EDIL3: variants seen among roughly 807,000 people sequenced by gnomAD.
The protein encoded by EDIL3 is EGF-like repeat and discoidin I-like domain-containing protein 3.
In EDIL3, 37 loss-of-function variants were observed where a neutral mutation model predicts 67.4. The ratio of observed to expected loss-of-function variants is 0.55; its 90% CI spans 0.42 to 0.72. The LOEUF is 0.72. EDIL3 is among the 30% of genes least tolerant of loss of function. The pLI is 0.00. For synonymous variants in EDIL3, 195 were observed against 196.3 expected (o/e 0.99, Z 0.05); for missense variants, 527 against 586.3 (o/e 0.90, Z 1.04).
intron 4 of EDIL3, among the ~76,000 whole-genome samples, chr5:84,154,471 C>T (rs527982233): frequency 6.6e-6 from 1 of 152,144 alleles, no homozygotes; most frequent in South Asian, 2.1e-4. Context: ...GGAGGCTGTT[C>T]TAGCATTACA....
At chr5:84,145,838 A>G (rs1175219517) in intron 4 of EDIL3, among the ~76,000 whole-genome samples, 1 of 151,794 alleles carries the variant, frequency 6.6e-6, no homozygotes, top group Non-Finnish European at 1.5e-5. Context: ...ACATTTATCT[A>G]GAAACCCTAC....
chr5:84,230,410 CT>C (rs869168484), intron 2 of EDIL3, among the ~76,000 whole-genome samples: 563 of 136,918 alleles, frequency 4.1e-3, no homozygotes, highest in Middle Eastern at 0.011. Flanking sequence ...TTGGACTTTT[CT>C]TTTTTTTTTT....
chr5:84,278,384 G>T (rs1457496455), intron 1 of EDIL3, among the ~76,000 whole-genome samples: 1 of 152,118 alleles, frequency 6.6e-6, no homozygotes, highest in Non-Finnish European at 1.5e-5. Context: ...AACCTGGCAT[G>T]AAGTAAGAGA....
At chr5:84,348,219 A>G (rs749722135) in intron 1 of EDIL3, among the ~76,000 whole-genome samples, 2 of 152,202 alleles carry the variant, frequency 1.3e-5, no homozygotes, top group Non-Finnish European at 2.9e-5. Context: ...AAGCTAGAGT[A>G]TTTATACAGC....
intron 9 of EDIL3, among the ~76,000 whole-genome samples, chr5:84,010,086 A>G (rs968510818): frequency 2.6e-5 from 4 of 152,210 alleles, no homozygotes; most frequent in Non-Finnish European, 5.9e-5. Context: ...AGATGCCAAC[A>G]TTCGTGCCTA....
intron 5 of EDIL3, among the ~76,000 whole-genome samples, chr5:84,133,882 C>G (rs866911634): frequency 2.6e-5 from 4 of 152,064 alleles, no homozygotes; most frequent in South Asian, 4.2e-4. Flanking sequence ...GAAGTCTAAA[C>G]TGAAATTATT....
chr5:84,350,280 T>C (rs1464743426), intron 1 of EDIL3, among the ~76,000 whole-genome samples: 4 of 152,112 alleles, frequency 2.6e-5, no homozygotes, highest in Admixed American at 1.3e-4. Flanking sequence ...TTAATATTTA[T>C]TATGAAACTT....
At chr5:84,280,966 A>AAAAAGG (rs1451182156) in intron 1 of EDIL3, among the ~76,000 whole-genome samples, 1 of 151,398 alleles carries the variant, frequency 6.6e-6, no homozygotes, top group Non-Finnish European at 1.5e-5. Flanking sequence ...AAAAAAAAAA[A>AAAAAGG]AAAAGGAAAT....
chr5:84,027,659 T>C, intron 9 of EDIL3, among the ~76,000 whole-genome samples: 1 of 38,014 alleles, frequency 2.6e-5, no homozygotes, highest in South Asian at 8.0e-4. Flanking sequence ...CTGAGCATGC[T>C]GATCAGTGAG....
chr5:84,195,804 T>C (rs918872930), intron 3 of EDIL3, among the ~76,000 whole-genome samples: 5 of 152,040 alleles, frequency 3.3e-5, no homozygotes, highest in African/African-American at 1.2e-4. Flanking sequence ...GTAATATTTT[T>C]CTAGATAAAA....
At chr5:84,359,955 T>C (rs1747563506) in intron 1 of EDIL3, among the ~76,000 whole-genome samples, 1 of 152,222 alleles carries the variant, frequency 6.6e-6, no homozygotes, top group Non-Finnish European at 1.5e-5. Flanking sequence ...TTAAAGATTA[T>C]AATTACCATT....
At chr5:83,970,175 G>A (rs1052295795) in intron 9 of EDIL3, among the ~76,000 whole-genome samples, 4 of 150,424 alleles carry the variant, frequency 2.7e-5, no homozygotes, top group Non-Finnish European at 5.9e-5. Flanking sequence ...CAATTGAAAA[G>A]TGGCATTTTT....
chr5:83,978,251 C>G (rs1430898707), intron 9 of EDIL3, among the ~76,000 whole-genome samples: 2 of 151,850 alleles, frequency 1.3e-5, no homozygotes, highest in Admixed American at 6.6e-5. Context: ...AACCCATTCA[C>G]TACAACGACA....
At position 84,364,176 on chromosome 5, in the gene EDIL3, T is replaced by C. The variant is rs550057779; in HGVS notation, c.67+20132A>G. ...AACCAAAACAGACAATGTAAGGCAG[T>C]TTTCAGGTTCTGAAATCATTTCCTG... On this transcript the variant is annotated intron_variant, in intron 1 of 10. Coordinates refer to ENST00000296591, the MANE Select transcript of EDIL3 (RefSeq NM_005711.5). Among the ~76,000 whole-genome samples, 7 of 152,316 alleles carry C rather than the reference T, an allele frequency of 4.6e-5. No individual in the cohort carries two copies. In the East Asian group the frequency reaches 1.4e-3, roughly 29 times the overall value.
chr5:84,102,534 C>T (rs1467223130), intron 6 of EDIL3, among the ~76,000 whole-genome samples: 1 of 151,870 alleles, frequency 6.6e-6, no homozygotes, highest in Non-Finnish European at 1.5e-5. Flanking sequence ...ACAAAAATTA[C>T]TGGCATTCCT....
intron 8 of EDIL3, among the ~76,000 whole-genome samples, chr5:84,064,386 A>G (rs1746596666): frequency 6.6e-6 from 1 of 152,192 alleles, no homozygotes; most frequent in Non-Finnish European, 1.5e-5. Context: ...GAAAACATAG[A>G]TCACAGTTAT....
chr5:84,083,842 C>A (rs566558425), intron 6 of EDIL3, among the ~76,000 whole-genome samples: 47 of 152,296 alleles, frequency 3.1e-4, no homozygotes, highest in Non-Finnish European at 5.4e-4. Context: ...TCACACTGAT[C>A]AAGTCCTTTT....
intron 6 of EDIL3, among the ~76,000 whole-genome samples, chr5:84,080,115 CAAAAAAAAAAAAAAAA>C (rs10566347): frequency 1.1e-4 from 6 of 52,954 alleles, no homozygotes; most frequent in African/African-American, 4.3e-4. Context: ...ACTAAAAATA[CAAAAAAAAAAAAAAAA>C]AAAAAAAAAA....
intron 1 of EDIL3, among the ~76,000 whole-genome samples, chr5:84,290,967 C>G (rs941918830): frequency 5.9e-5 from 9 of 152,122 alleles, no homozygotes; most frequent in African/African-American, 2.2e-4. Context: ...CAGCTTTAGT[C>G]TCACTGCAAC....
Sources: allele counts gnomAD v4.1 joint callset (sites outside exome capture counted in the v4.1 genomes callset), GRCh38; gene constraint gnomAD v4.1.1; transcripts MANE v1.5; gene names NCBI Gene and HGNC (gene_info 2026-07-23, HGNC 2026-07-21).